The following CHMP7 variants were observed in gnomAD, a reference collection of about 807,000 sequenced individuals.
The protein encoded by CHMP7 is CHMP family, member 7.
In CHMP7, 15 loss-of-function variants were observed where a neutral mutation model predicts 53.7. The observed-to-expected ratio is 0.28, with a 90% CI of 0.19 to 0.43. The LOEUF is 0.43. CHMP7 is among the 20% of genes least tolerant of loss of function. The pLI is 1.00. For synonymous variants in CHMP7, 261 were observed against 228.0 expected, an observed-to-expected ratio of 1.14 and a Z score of -1.30; for missense variants, 527 against 569.4, an observed-to-expected ratio of 0.93 and a Z score of 0.76.
intron 7 of CHMP7, 70 bp from the exon 8 acceptor site, chr8:23,258,662 G>A (rs1802237109): frequency 7.7e-7 from 1 of 1,296,486 alleles, no homozygotes; most frequent in Admixed American, 1.8e-5. Flanking sequence ...GCCTTTTGGA[G>A]TTGAAACAAT....
chr8:23,244,735 A>G (rs1336944900), intron 1 of CHMP7, among the ~76,000 whole-genome samples: 2 of 152,206 alleles, frequency 1.3e-5, no homozygotes, highest in African/African-American at 2.4e-5. Context: ...GGAAGAATTG[A>G]TATCTTGATA....
chr8:23,256,690 G>GTTT (rs67393714), intron 5 of CHMP7, 97 bp downstream of exon 5: 157,979 of 580,358 alleles, frequency 0.27, 15,196 homozygotes, highest in Admixed American at 0.31. Flanking sequence ...AAATAGGTGG[G>GTTT]TTTTTTTTTT....
chr8:23,259,013 A>C lies in CHMP7; in HGVS notation c.1060-53A>C. On this transcript the variant is annotated intron_variant, in intron 8 of 10. Coordinates refer to ENST00000397677, the MANE Select transcript of CHMP7 (RefSeq NM_152272.5). Reference sequence around the variant, plus strand: ...CCTAGATATTTTCCACCAAAGACTGAGATGCTCAGAGCCACCATGCCCAGC... The same window carrying C: ...CCTAGATATTTTCCACCAAAGACTGCGATGCTCAGAGCCACCATGCCCAGC... The C allele has an allele frequency of 4.1e-6, 5 of 1,229,434 alleles. 1 individual carries two copies. The highest frequency in any genetic ancestry group is 6.0e-6 in the Non-Finnish European group (5 of 828,670). 76.2% of individuals were successfully genotyped at this position (1,229,434 alleles called of 1,614,324 possible).
At chr8:23,253,987 AGATATTACACTTTCTATAATATAG>A (rs568415684) in intron 3 of CHMP7, among the ~76,000 whole-genome samples, 9 of 152,320 alleles carry the variant, frequency 5.9e-5, no homozygotes, top group South Asian at 4.1e-4. Flanking sequence ...GATCATCATA[AGATATTACACTTTCTATAATATAG>A]GATATTACAC....
chr8:23,256,823 C>T (rs1427968881), intron 5 of CHMP7: 55 of 213,880 alleles, frequency 2.6e-4, no homozygotes, highest in Non-Finnish European at 3.5e-4. Context: ...GACGGAGTCT[C>T]GCTCTGTCAC....
In CHMP7 at chr8:23,260,660, G is replaced by C; in HGVS notation, c.*61G>C. The C allele has an allele frequency of 7.8e-7, 1 of 1,281,838 alleles. No homozygotes were observed. Among genetic ancestry groups the C allele is most frequent in the Non-Finnish European group, 1.1e-6 (1 of 880,088 alleles). The allele number at this position is 1,281,838 out of a possible 1,614,324, so 79.4% of individuals were successfully genotyped here. ...ACCAGGCTTGCTGGGTGTGTACATA[G>C]TTATTTAAACAAGAAACTCTCAGAA... is the stretch of plus-strand genomic sequence containing the variant. On this transcript the variant is annotated 3_prime_UTR_variant, in exon 11 of 11. Transcript: ENST00000397677.
At chr8:23,254,976 G>T in intron 3 of CHMP7, 1 of 488,740 alleles carries the variant, frequency 2.0e-6, no homozygotes, top group Non-Finnish European at 3.8e-6. Flanking sequence ...CCAGTGAGAG[G>T]CAGGAGTGTA....
rs1426054428 is a variant in CHMP7, at chr8:23,246,662, T to C, written c.-34T>C. 3.3e-6 allele frequency: 5 copies of C among 1,534,692 alleles called. No individual in the cohort carries two copies. Among genetic ancestry groups the C allele is most frequent in the Middle Eastern group, 2.3e-4 (1 of 4,344 alleles). On this transcript the variant is annotated 5_prime_UTR_variant, in exon 2 of 11. Transcript: ENST00000397677. ...GGGCGGAAGCGGACCAGGGCCAGGCTTGTGTTCGCAGCCTTGCCGGGGCTG... is the reference window on the plus strand; with the variant it reads ...GGGCGGAAGCGGACCAGGGCCAGGCCTGTGTTCGCAGCCTTGCCGGGGCTG...
rs372261771 is a variant in CHMP7 at position 23,258,421 on chromosome 8, G to A, written c.932G>A (p.Arg311Gln). ...KLDTVQGILD[R>Q]IYASQTDQMV... ...GACACTGTTCAAGGCATCCTGGACC[G>A]GATCTATGCCTCCCAGACAGATCAG... Residue 311 changes from arginine (R) to glutamine (Q), a missense_variant, in exon 7 of 11, where the codon CGG becomes CAG. By Grantham distance (43) the Arg-to-Gln change is conservative. Coordinates refer to ENST00000397677, the MANE Select transcript of CHMP7 (RefSeq NM_152272.5). 9.9e-6 allele frequency: 16 copies of A among 1,613,924 alleles called. No homozygotes were observed. The highest frequency in any genetic ancestry group is 3.3e-5 in the South Asian group (3 of 91,062).
At position 23,246,587 on chromosome 8, in the gene CHMP7, C is replaced by T; in HGVS notation, c.-109C>T. 5.7e-6 allele frequency: 5 copies of T among 875,790 alleles called. No homozygotes were observed. The South Asian group carries it at 6.9e-5, about 12-fold the overall frequency. 54.3% of individuals were successfully genotyped at this position (875,790 alleles called of 1,614,324 possible). A position where few individuals can be genotyped will look rare whatever the true frequency, so the allele number is the denominator to read the frequency against. ...TATTTCACGCTCAGGGCGGCGGTGA[C>T]GTGTGAACGAGAAGGAGGTGGTCAA... On this transcript the variant is annotated 5_prime_UTR_variant, in exon 2 of 11. It adds an upstream start codon to the 5' untranslated region. Coordinates refer to ENST00000397677, the MANE Select transcript of CHMP7 (RefSeq NM_152272.5).
Position 23,255,351 on chromosome 8 carries a change from A to C in CHMP7, c.576A>C (p.Pro192=). 1 of 1,614,200 alleles carries C rather than the reference A, an allele frequency of 6.2e-7. No homozygotes were observed. The change falls in exon 4 of 11, where the codon CCA becomes CCC. Residue 192 remains proline, a synonymous_variant. Transcript: ENST00000397677. ...GCACCCTCTGTGCTAACTCCTGCCC[A>C]GATGAGAGGACCTTCTACTTGGTGT... is the stretch of plus-strand genomic sequence containing the variant. ...ELSTLCANSC[P]DERTFYLVLL...
At chr8:23,259,013 A>G in intron 8 of CHMP7, 53 bp from the exon 9 acceptor site, 2 of 1,229,430 alleles carry the variant, frequency 1.6e-6, no homozygotes, top group Non-Finnish European at 2.4e-6. Flanking sequence ...CCAAAGACTG[A>G]GATGCTCAGA....
chr8:23,253,466 T>A (rs190714555), intron 3 of CHMP7, among the ~76,000 whole-genome samples: 62 of 152,258 alleles, frequency 4.1e-4, no homozygotes, highest in African/African-American at 1.5e-3. Context: ...GTATTTTTTT[T>A]AGTGGAGATG....
In CHMP7 at chr8:23,249,351, G is replaced by A. The variant is rs1482074674; in HGVS notation, c.441G>A (p.Glu147=). The A allele has an allele frequency of 6.2e-7, 1 of 1,610,230 alleles. No individual in the cohort carries two copies. Among genetic ancestry groups the A allele is most frequent in the African/African-American group, 1.3e-5 (1 of 74,740 alleles). ...NMLGDNKVPA[E]EVLVAVELLK... ...TGGGAGATAATAAGGTTCCAGCTGA[G>A]GAGGTCCTTGTCGCTGTGGAGCTGT... The change falls in exon 3 of 11, where the codon GAG becomes GAA. Residue 147 remains glutamate (E), a synonymous_variant. Transcript: ENST00000397677.
At chr8:23,257,590 C>G (rs546457093) in intron 5 of CHMP7, among the ~76,000 whole-genome samples, 44 of 152,334 alleles carry the variant, frequency 2.9e-4, no homozygotes, top group African/African-American at 1.1e-3. Context: ...CTGCCCTTCC[C>G]CCTGAATGAC....
Position 23,246,473 on chromosome 8 carries a change from T to A in CHMP7, c.-223T>A. The A allele has an allele frequency of 3.6e-6, 2 of 560,786 alleles. No individual in the cohort carries two copies. Among genetic ancestry groups the A allele is most frequent in the South Asian group, 4.5e-5 (2 of 44,386 alleles). 34.7% of individuals were successfully genotyped at this position (560,786 alleles called of 1,614,324 possible). A position where few individuals can be genotyped will look rare whatever the true frequency, so the allele number is the denominator to read the frequency against. Reference sequence around the variant, plus strand: ...TGGGAGGAGGGGTCGGCGCAAGCGCTCGGTGTCTCTCTGAAAAGAACTTCA... The same window carrying A: ...TGGGAGGAGGGGTCGGCGCAAGCGCACGGTGTCTCTCTGAAAAGAACTTCA... On this transcript the variant is annotated 5_prime_UTR_variant, in exon 2 of 11. Coordinates refer to ENST00000397677, the MANE Select transcript of CHMP7 (RefSeq NM_152272.5).
intron 3 of CHMP7, among the ~76,000 whole-genome samples, chr8:23,253,541 C>T (rs1585309968): frequency 6.6e-6 from 1 of 152,198 alleles, no homozygotes; most frequent in South Asian, 2.1e-4. Context: ...CCCACCTCGG[C>T]CTCATAAAGT....
chr8:23,249,179 T>G, intron 2 of CHMP7, 31 bp from the exon 3 acceptor site: 4 of 1,535,030 alleles, frequency 2.6e-6, no homozygotes, highest in Non-Finnish European at 3.5e-6. Context: ...CATTAAGTGC[T>G]ACTACACGCC....
chr8:23,244,482 A>G (rs1015206964), intron 1 of CHMP7, among the ~76,000 whole-genome samples: 2 of 152,166 alleles, frequency 1.3e-5, no homozygotes, highest in African/African-American at 4.8e-5. Flanking sequence ...TGGGATTCCT[A>G]TTCTGTTCCA....
Sources: allele counts gnomAD v4.1 joint callset (sites outside exome capture counted in the v4.1 genomes callset), GRCh38; gene constraint gnomAD v4.1.1; transcripts MANE v1.5; gene names NCBI Gene and HGNC (gene_info 2026-07-23, HGNC 2026-07-21).